CAP2: variants seen among roughly 807,000 people sequenced by gnomAD.
The protein encoded by CAP2 is cyclase associated actin cytoskeleton regulatory protein 2.
A neutral mutation model predicts 57.7 loss-of-function variants in CAP2; 24 were observed. The observed-to-expected ratio is 0.42, with a 90% CI of 0.30 to 0.58. The LOEUF is 0.58. Ranked by LOEUF, CAP2 falls within the 20% of genes least tolerant of loss-of-function variation. The probability of loss-of-function intolerance (pLI) is 0.22; values close to 1 mark genes in which losing one functional copy is unlikely to be tolerated. For synonymous variants in CAP2, 194 were observed against 207.2 expected (o/e 0.94, Z 0.55); for missense variants, 501 against 590.3 (o/e 0.85, Z 1.57).
chr6:17,544,114 G>C (rs542851488), intron 11 of CAP2, among the ~76,000 whole-genome samples: 12 of 117,454 alleles, frequency 1.0e-4, no homozygotes, highest in African/African-American at 3.2e-4. Context: ...AACAGAGAGA[G>C]ACTCTGTCTC....
At chr6:17,546,286 A>C (rs1049339577) in intron 11 of CAP2, among the ~76,000 whole-genome samples, 1 of 152,176 alleles carries the variant, frequency 6.6e-6, no homozygotes, top group Non-Finnish European at 1.5e-5. Context: ...CATTTCTCTG[A>C]TGGCCAGTGA....
At chr6:17,545,278 G>A (rs6937218) in intron 11 of CAP2, among the ~76,000 whole-genome samples, 14,610 of 152,122 alleles carry the variant, frequency 0.096, 783 homozygotes, top group East Asian at 0.23. Flanking sequence ...CCTTTCATTC[G>A]TACAGAAATT....
At chr6:17,458,415 T>A (rs1760632807) in intron 3 of CAP2, among the ~76,000 whole-genome samples, 2 of 152,234 alleles carry the variant, frequency 1.3e-5, no homozygotes, top group African/African-American at 2.4e-5. Flanking sequence ...AGTCTACAAA[T>A]CTTGGTTTGA....
intron 4 of CAP2, among the ~76,000 whole-genome samples, chr6:17,473,335 T>C (rs1761070282): frequency 6.6e-6 from 1 of 152,248 alleles, no homozygotes; most frequent in Non-Finnish European, 1.5e-5. Flanking sequence ...TTTAGTTAAA[T>C]ATTGAGGTCA....
chr6:17,466,666 C>T (rs56221423), intron 4 of CAP2, among the ~76,000 whole-genome samples: 4,333 of 152,264 alleles, frequency 0.028, 172 homozygotes, highest in African/African-American at 0.084. Context: ...GGCTCCCCGG[C>T]GATGCTGGTG....
intron 3 of CAP2, among the ~76,000 whole-genome samples, chr6:17,433,871 T>G (rs1371535469): frequency 6.6e-6 from 1 of 152,220 alleles, no homozygotes; most frequent in East Asian, 1.9e-4. Flanking sequence ...AGTTTGTTTC[T>G]AGAGCATACA....
chr6:17,488,127 T>G (rs1038319522), intron 4 of CAP2, among the ~76,000 whole-genome samples: 13 of 151,382 alleles, frequency 8.6e-5, no homozygotes, highest in African/African-American at 3.2e-4. Flanking sequence ...TGGCTGGTCC[T>G]GAACTCCTGG....
chr6:17,505,598 G>A (rs574274813), intron 4 of CAP2, among the ~76,000 whole-genome samples: 7 of 152,336 alleles, frequency 4.6e-5, no homozygotes, highest in Non-Finnish European at 2.9e-5. Context: ...AAATTAAAGA[G>A]CTGTAAGGAG....
rs6930931 is a variant in CAP2 at position 17,507,042 on chromosome 6, A to G, written c.301-127A>G. 2.4e-3 allele frequency: 2,059 copies of G among 855,068 alleles called. 30 individuals carry two copies. The African/African-American group carries it at 0.032, about 13-fold the overall frequency. The allele number at this position is 855,068 out of a possible 1,614,324, so 53.0% of individuals were successfully genotyped here. ...ATGCATGCTGTTCTCAAAGATGATT[A>G]TATGTTTCTTTTAGACCCCTTAACA... On this transcript the variant is annotated intron_variant, in intron 4 of 12. Transcript: ENST00000229922.
chr6:17,526,397 C>A (rs751848290), intron 7 of CAP2, among the ~76,000 whole-genome samples: 1 of 151,942 alleles, frequency 6.6e-6, no homozygotes, highest in African/African-American at 2.4e-5. Context: ...GGATTACAGG[C>A]GTCAGCCACC....
intron 1 of CAP2, among the ~76,000 whole-genome samples, chr6:17,398,747 A>G (rs1285907907): frequency 6.6e-6 from 1 of 152,050 alleles, no homozygotes; most frequent in Non-Finnish European, 1.5e-5. Flanking sequence ...GATGGTCTCA[A>G]TCTCCTGACC....
chr6:17,533,995 A>C (rs886699529), intron 7 of CAP2, among the ~76,000 whole-genome samples: 5 of 152,178 alleles, frequency 3.3e-5, no homozygotes, highest in African/African-American at 7.2e-5. Flanking sequence ...GTTTTTTAAA[A>C]AAGCATTTGT....
intron 4 of CAP2, among the ~76,000 whole-genome samples, chr6:17,463,437 T>C (rs888816346): frequency 3.9e-5 from 6 of 152,228 alleles, no homozygotes; most frequent in Non-Finnish European, 8.8e-5. Context: ...TCTCACAACC[T>C]TTTTATAATC....
intron 1 of CAP2, among the ~76,000 whole-genome samples, chr6:17,397,750 A>G (rs1484431293): frequency 6.6e-6 from 1 of 151,552 alleles, no homozygotes; most frequent in Non-Finnish European, 1.5e-5. Flanking sequence ...TAGGTATGTA[A>G]TATTTCTTGG....
chr6:17,455,038 C>G (rs1760520348), intron 3 of CAP2, among the ~76,000 whole-genome samples: 1 of 152,106 alleles, frequency 6.6e-6, no homozygotes, highest in African/African-American at 2.4e-5. Flanking sequence ...AGCCCCCGCT[C>G]CAGGAATGTC....
At chr6:17,506,017 C>T (rs563911748) in intron 4 of CAP2, among the ~76,000 whole-genome samples, 1 of 152,116 alleles carries the variant, frequency 6.6e-6, no homozygotes, top group Non-Finnish European at 1.5e-5. Context: ...ATTGGAGTCT[C>T]CTGAGTAGCT....
chr6:17,507,139 T>G (rs1449554147), intron 4 of CAP2, 30 bp from the exon 5 acceptor site: 1 of 1,613,954 alleles, frequency 6.2e-7, no homozygotes, highest in South Asian at 1.1e-5. Flanking sequence ...CTGTCTGTAG[T>G]AAAAGCCCCC....
intron 7 of CAP2, among the ~76,000 whole-genome samples, chr6:17,528,869 G>A (rs1257629355): frequency 6.6e-6 from 1 of 152,100 alleles, no homozygotes. Flanking sequence ...ACAATTCTGT[G>A]TTCTTGGAAA....
chr6:17,411,600 T>G (rs899664304), intron 1 of CAP2, among the ~76,000 whole-genome samples: 1 of 152,248 alleles, frequency 6.6e-6, no homozygotes, highest in Non-Finnish European at 1.5e-5. Flanking sequence ...TCTGGGAAGA[T>G]GTCTATTTAG....
Sources: allele counts gnomAD v4.1 joint callset (sites outside exome capture counted in the v4.1 genomes callset), GRCh38; gene constraint gnomAD v4.1.1; transcripts MANE v1.5; gene names NCBI Gene and HGNC (gene_info 2026-07-23, HGNC 2026-07-21).